The following MKLN1 variants were observed in gnomAD, a reference collection of about 807,000 sequenced individuals.
MKLN1 encodes the protein muskelin 1.
MKLN1 carries 18 observed loss-of-function variants against 99.0 expected under a neutral mutation model. The observed-to-expected ratio is 0.18, with a 90% CI of 0.13 to 0.27. The LOEUF (loss-of-function observed/expected upper bound fraction) is 0.27, where lower values mean the gene tolerates loss of function less well. MKLN1 is among the 10% of genes least tolerant of loss of function. The probability of loss-of-function intolerance (pLI) is 1.00; values close to 1 mark genes in which losing one functional copy is unlikely to be tolerated. For missense variants in MKLN1, 621 were observed against 875.9 expected (o/e 0.71, Z 3.67); for synonymous variants, 288 against 293.2 (o/e 0.98, Z 0.18).
At chr7:131,127,556 T>A (rs901472669) in intron 1 of MKLN1, among the ~76,000 whole-genome samples, 3 of 152,270 alleles carry the variant, frequency 2.0e-5, no homozygotes, top group African/African-American at 7.2e-5. Flanking sequence ...AGGGGATATG[T>A]GTTGAAAAGA....
intron 17 of MKLN1, among the ~76,000 whole-genome samples, chr7:131,484,895 A>T (rs908945889): frequency 6.6e-6 from 1 of 152,036 alleles, no homozygotes; most frequent in Non-Finnish European, 1.5e-5. Flanking sequence ...GGAGATATGG[A>T]ATGGAATAAG....
intron 1 of MKLN1, among the ~76,000 whole-genome samples, chr7:131,118,182 C>T (rs1795307361): frequency 6.6e-6 from 1 of 152,122 alleles, no homozygotes; most frequent in Non-Finnish European, 1.5e-5. Context: ...CTGCTCACAC[C>T]ATGTGACTTG....
At chr7:131,272,522 A>C (rs1797901495) in intron 3 of MKLN1, among the ~76,000 whole-genome samples, 1 of 152,184 alleles carries the variant, frequency 6.6e-6, no homozygotes, top group Non-Finnish European at 1.5e-5. Context: ...CCCTCATGGG[A>C]AAAGGGAAGC....
At chr7:131,332,145 A>C (rs1488349987) in intron 1 of MKLN1, among the ~76,000 whole-genome samples, 2 of 151,892 alleles carry the variant, frequency 1.3e-5, no homozygotes, top group African/African-American at 2.4e-5. Flanking sequence ...ACATTTAAAA[A>C]TGAATATAGG....
chr7:131,358,316 TC>T (rs1183747361), intron 1 of MKLN1, among the ~76,000 whole-genome samples: 5 of 152,214 alleles, frequency 3.3e-5, no homozygotes, highest in African/African-American at 1.2e-4. Flanking sequence ...ATGACTTTCT[TC>T]TTTAGCCTAT....
chr7:131,207,458 A>G (rs1228723113), intron 3 of MKLN1, among the ~76,000 whole-genome samples: 1 of 152,168 alleles, frequency 6.6e-6, no homozygotes, highest in African/African-American at 2.4e-5. Context: ...TCGGCCTCCC[A>G]AAGTGTTGGG....
At chr7:131,320,296 T>C (rs539524612) in intron 3 of MKLN1, among the ~76,000 whole-genome samples, 37 of 152,308 alleles carry the variant, frequency 2.4e-4, no homozygotes, top group Admixed American at 1.6e-3. Flanking sequence ...CCATCTGATC[T>C]TTGACAAACC....
At chr7:131,460,240 G>C (rs1235450419) in intron 12 of MKLN1, among the ~76,000 whole-genome samples, 1 of 151,942 alleles carries the variant, frequency 6.6e-6, no homozygotes, top group Non-Finnish European at 1.5e-5. Flanking sequence ...GTTCATCTAG[G>C]TCCCTCTCTT....
At chr7:131,128,706 C>T (rs1056469580) in intron 1 of MKLN1, among the ~76,000 whole-genome samples, 2 of 152,178 alleles carry the variant, frequency 1.3e-5, no homozygotes, top group African/African-American at 4.8e-5. Flanking sequence ...TAACCTTGAA[C>T]TCCTGGGCTC....
intron 3 of MKLN1, among the ~76,000 whole-genome samples, chr7:131,263,825 C>G (rs1755432625): frequency 6.6e-6 from 1 of 152,064 alleles, no homozygotes; most frequent in African/African-American, 2.4e-5. Context: ...CTGCCTTGGC[C>G]TCTCAAAGTG....
At chr7:131,318,942 G>C (rs1233377518) in intron 3 of MKLN1, among the ~76,000 whole-genome samples, 1 of 152,188 alleles carries the variant, frequency 6.6e-6, no homozygotes, top group Non-Finnish European at 1.5e-5. Context: ...CTGAAATTGA[G>C]GCAGTAGTTA....
At chr7:131,137,925 CTT>C (rs58860730) in intron 1 of MKLN1, among the ~76,000 whole-genome samples, 39,317 of 118,664 alleles carry the variant, frequency 0.33, 6,067 homozygotes, top group South Asian at 0.46. Context: ...TCTTTCTTTA[CTT>C]TTTTTTTTTT....
intron 10 of MKLN1, among the ~76,000 whole-genome samples, chr7:131,442,599 A>G (rs1795871087): frequency 6.6e-6 from 1 of 152,210 alleles, no homozygotes; most frequent in Non-Finnish European, 1.5e-5. Context: ...AAATACATAA[A>G]TAGCAGAAGT....
At chr7:131,166,619 G>C (rs1328035294) in intron 2 of MKLN1, among the ~76,000 whole-genome samples, 2 of 152,150 alleles carry the variant, frequency 1.3e-5, no homozygotes, top group Non-Finnish European at 2.9e-5. Flanking sequence ...TTCTCTGCCT[G>C]AAACCCTCTT....
chr7:131,330,025 T>C (rs1799024309), intron 1 of MKLN1, among the ~76,000 whole-genome samples: 1 of 152,144 alleles, frequency 6.6e-6, no homozygotes, highest in East Asian at 1.9e-4. Flanking sequence ...TTTGAAGGAG[T>C]ATAGTTGAGT....
At chr7:131,296,596 C>A (rs1798295169) in intron 3 of MKLN1, among the ~76,000 whole-genome samples, 1 of 147,082 alleles carries the variant, frequency 6.8e-6, no homozygotes, top group Non-Finnish European at 1.5e-5. Flanking sequence ...TAAAACCAAA[C>A]TCAGATAAAA....
At chr7:131,304,149 G>C (rs1042913285) in intron 3 of MKLN1, among the ~76,000 whole-genome samples, 10 of 152,146 alleles carry the variant, frequency 6.6e-5, no homozygotes, top group African/African-American at 2.2e-4. Flanking sequence ...TGAGGCGGGA[G>C]GATCTCTTGA....
chr7:131,204,444 A>G (rs1470409547), intron 3 of MKLN1, among the ~76,000 whole-genome samples: 1 of 152,224 alleles, frequency 6.6e-6, no homozygotes, highest in South Asian at 2.1e-4. Flanking sequence ...AAAGGGAAAT[A>G]TCTCTAAGAA....
chr7:131,132,798 C>T (rs1795571549), intron 1 of MKLN1, among the ~76,000 whole-genome samples: 2 of 151,508 alleles, frequency 1.3e-5, no homozygotes, highest in South Asian at 2.1e-4. Context: ...GTGGTGGCAG[C>T]GCCTGTAATC....
Sources: allele counts gnomAD v4.1 joint callset (sites outside exome capture counted in the v4.1 genomes callset), GRCh38; gene constraint gnomAD v4.1.1; transcripts MANE v1.5; gene names NCBI Gene and HGNC (gene_info 2026-07-23, HGNC 2026-07-21).